RBL2: variants seen among roughly 807,000 people sequenced by gnomAD.
RBL2 encodes RB transcriptional corepressor like 2, also known as retinoblastoma-like protein 2.
RBL2 carries 56 observed loss-of-function variants against 126.0 expected under a neutral mutation model. The observed-to-expected ratio is 0.44, with a 90% CI of 0.36 to 0.56. The LOEUF is 0.56. RBL2 is among the 20% of genes least tolerant of loss of function. RBL2 has a pLI of 0.00. For missense variants in RBL2, 1,229 were observed against 1,398.2 expected (o/e 0.88, Z 1.93); for synonymous variants, 454 against 478.5 (o/e 0.95, Z 0.67).
intron 17 of RBL2, 127 bp downstream of exon 17, chr16:53,471,049 G>T: frequency 2.1e-6 from 2 of 952,372 alleles, no homozygotes; most frequent in Non-Finnish European, 3.1e-6. Context: ...CAACTAAATG[G>T]GTCTTAGTAT....
At chr16:53,486,336 G>A (rs1475792498) in intron 21 of RBL2, among the ~76,000 whole-genome samples, 1 of 152,088 alleles carries the variant, frequency 6.6e-6, no homozygotes, top group Non-Finnish European at 1.5e-5. Context: ...CAATGCACAT[G>A]AAATAGACAA....
At chr16:53,463,485 G>T (rs2058242334) in intron 11 of RBL2, among the ~76,000 whole-genome samples, 1 of 149,994 alleles carries the variant, frequency 6.7e-6, no homozygotes, top group South Asian at 2.1e-4. Context: ...CAGGTGATCT[G>T]CCTGCTTCGG....
intron 2 of RBL2, among the ~76,000 whole-genome samples, chr16:53,440,620 C>G (rs928226433): frequency 1.3e-5 from 2 of 152,154 alleles, no homozygotes; most frequent in Non-Finnish European, 2.9e-5. Context: ...GGGGCGTGAT[C>G]TCAGCTCATT....
intron 17 of RBL2, among the ~76,000 whole-genome samples, 186 bp downstream of exon 17, chr16:53,471,108 CA>C (rs2058319243): frequency 6.6e-6 from 1 of 152,170 alleles, no homozygotes; most frequent in South Asian, 2.1e-4. Context: ...CATAATATTC[CA>C]TTGTATAGTT....
intron 11 of RBL2, 50 bp downstream of exon 11, chr16:53,462,705 T>A: frequency 8.2e-7 from 1 of 1,222,602 alleles, no homozygotes; most frequent in South Asian, 1.4e-5. Flanking sequence ...CATAATTTCC[T>A]TCCTGCCCTA....
chr16:53,491,539 G>T lies in RBL2; in HGVS notation c.*1239G>T, dbSNP rs1961456519. 6.6e-6 allele frequency: 1 copy of T among 152,486 alleles called. No individual in the cohort carries two copies. Among genetic ancestry groups the T allele is most frequent in the Admixed American group, 6.5e-5 (1 of 15,274 alleles). The allele number at this position is 152,486 out of a possible 1,614,324, so 9.4% of individuals were successfully genotyped here. On this transcript the variant is annotated 3_prime_UTR_variant, in exon 22 of 22. Transcript: ENST00000262133. ...CTGAGAGAAATATGGAACTTACATT[G>T]TTCAATTAGAATAGTGTTCTGCAAA...
At chr16:53,451,647 A>T (rs928967829) in intron 4 of RBL2, 56 bp from the exon 5 acceptor site, 10 of 1,561,176 alleles carry the variant, frequency 6.4e-6, no homozygotes, top group East Asian at 4.5e-5. Context: ...GAAATTTTTT[A>T]AAAATGTTAC....
Position 53,453,604 on chromosome 16 carries a change from GA to G in RBL2, c.926del (p.Lys309SerfsTer14). The G allele has an allele frequency of 1.9e-6, 3 of 1,599,954 alleles. No homozygotes were observed. The highest frequency in any genetic ancestry group is 1.1e-5 in the South Asian group (1 of 87,920). Reference sequence around the variant, plus strand: ...GAAACCCTATATTAGGAAACTTTATGAAAAAAAGGTTTGTAAGTAGCAAAGA... The same window carrying G: ...GAAACCCTATATTAGGAAACTTTATGAAAAAAGGTTTGTAAGTAGCAAAGA... ...FWKPYIRKLYEKKLLKGKEEN... is the reference protein window; with the variant it reads ...FWKPYIRKLYXKKLLKGKEEN... On this transcript the variant is annotated frameshift_variant, in exon 6 of 22. Transcript: ENST00000262133. LOFTEE classifies it high-confidence loss of function.
intron 21 of RBL2, among the ~76,000 whole-genome samples, chr16:53,483,240 T>G (rs1243666356): frequency 6.6e-6 from 1 of 152,182 alleles, no homozygotes; most frequent in Non-Finnish European, 1.5e-5. Flanking sequence ...TTTTCAACTC[T>G]TTGTAGGCTT....
intron 8 of RBL2, among the ~76,000 whole-genome samples, chr16:53,458,533 G>C (rs2150801243): frequency 6.6e-6 from 1 of 152,322 alleles, no homozygotes; most frequent in East Asian, 1.9e-4. Flanking sequence ...TCTGCATCAA[G>C]TTGCCTTTTT....
intron 13 of RBL2, 94 bp downstream of exon 13, chr16:53,465,696 A>C: frequency 1.0e-6 from 1 of 986,636 alleles, no homozygotes. Context: ...AATTAGGTTT[A>C]ATATGTTATA....
At chr16:53,448,317 C>T (rs1005422468) in intron 4 of RBL2, among the ~76,000 whole-genome samples, 17 of 151,844 alleles carry the variant, frequency 1.1e-4, no homozygotes, top group African/African-American at 2.4e-4. Context: ...CCACTGTGCC[C>T]GGCTAATTTT....
At chr16:53,473,450 T>C (rs1239909502) in intron 17 of RBL2, among the ~76,000 whole-genome samples, 1 of 151,798 alleles carries the variant, frequency 6.6e-6, no homozygotes, top group Non-Finnish European at 1.5e-5. Flanking sequence ...CAAGTGTAGT[T>C]GTTTCATTGT....
intron 17 of RBL2, among the ~76,000 whole-genome samples, chr16:53,477,430 C>T (rs918600241): frequency 4.6e-5 from 7 of 152,146 alleles, no homozygotes; most frequent in South Asian, 2.1e-4. Context: ...CTCTGCCTCC[C>T]GGGCTCAAAT....
Position 53,473,277 on chromosome 16 carries a change from G to C in RBL2, c.2703+2355G>C, listed in dbSNP as rs947556665. 3.3e-5 allele frequency among the ~76,000 whole-genome samples: 5 copies of C among 152,022 alleles called. No homozygotes were observed. The South Asian group carries it at 8.3e-4, about 25-fold the overall frequency. ...CACTGAATCTGTAGATCCATTTGGG[G>C]AGTATTGCCATCTTAACAATTTTAT... On this transcript the variant is annotated intron_variant, in intron 17 of 21. Coordinates refer to ENST00000262133, the MANE Select transcript of RBL2 (RefSeq NM_005611.4).
chr16:53,442,739 A>G lies in RBL2; in HGVS notation c.453A>G (p.Arg151=). 2 of 1,613,642 alleles carry G rather than the reference A, an allele frequency of 1.2e-6. No individual in the cohort carries two copies. The highest frequency in any genetic ancestry group is 1.7e-6 in the Non-Finnish European group (2 of 1,179,584). The part of the protein sequence containing the change: ...LPPHFRERTE[R]LERNFTVSAV... ...CACATTTCAGAGAACGTACTGAGAG[A>G]TTAGAAAGAAACTTCACTGTTTCTG... The change falls in exon 3 of 22, where the codon AGA becomes AGG. Residue 151 remains arginine (R), a synonymous_variant. Transcript: ENST00000262133.
intron 1 of RBL2, among the ~76,000 whole-genome samples, chr16:53,437,256 G>T (rs1275325573): frequency 3.3e-5 from 5 of 150,392 alleles, no homozygotes; most frequent in African/African-American, 1.2e-4. Context: ...CATAAATCAA[G>T]AATATTATGA....
At chr16:53,456,644 C>T (rs537090965) in intron 8 of RBL2, among the ~76,000 whole-genome samples, 1 of 152,352 alleles carries the variant, frequency 6.6e-6, no homozygotes, top group East Asian at 1.9e-4. Flanking sequence ...TTTCCTCCCT[C>T]CTCACCCACT....
At chr16:53,464,468 T>C (rs1324228228) in intron 12 of RBL2, 105 bp downstream of exon 12, 7 of 987,114 alleles carry the variant, frequency 7.1e-6, no homozygotes, top group Non-Finnish European at 1.0e-5. Context: ...TATTCTGTTT[T>C]TATTTACATA....
Sources: gnomAD v4.1 joint callset for allele counts (sites outside exome capture counted in the v4.1 genomes callset) on GRCh38, gnomAD v4.1.1 for gene constraint, MANE v1.5 for transcripts, NCBI Gene and HGNC (gene_info 2026-07-23, HGNC 2026-07-21) for gene names.